Variants in SLC18B1 observed in about 807,000 individuals in gnomAD.
SLC18B1 encodes solute carrier family 18 member B1.
In SLC18B1, 62 loss-of-function variants were observed where a neutral mutation model predicts 53.9. That is an observed-to-expected ratio of 1.15 (90% CI 0.94 to 1.42). The LOEUF (loss-of-function observed/expected upper bound fraction) is 1.42, where lower values mean the gene tolerates loss of function less well. Ranked by LOEUF, SLC18B1 falls within the 40% of genes most tolerant of loss-of-function variation. The pLI, the probability that SLC18B1 is intolerant of heterozygous loss-of-function variation, is 0.00. For synonymous variants in SLC18B1, 217 were observed against 200.9 expected (o/e 1.08, Z -0.68); for missense variants, 598 against 547.3 (o/e 1.09, Z -0.93).
rs145679382 is a variant in SLC18B1, at chr6:132,776,133, G to C, written c.897+195C>G. On this transcript the variant is annotated intron_variant, in intron 8 of 13. Transcript: ENST00000275227. Reference sequence around the variant, plus strand: ...CATAAGACTCTTCCTCTTTTCCCAGGTGAAGCAATTTAAAGTGAACTGGCT... The same window carrying C: ...CATAAGACTCTTCCTCTTTTCCCAGCTGAAGCAATTTAAAGTGAACTGGCT... 1.2e-3 allele frequency among the ~76,000 whole-genome samples: 177 copies of C among 152,120 alleles called. 2 individuals are homozygous for C. Among genetic ancestry groups the C allele is most frequent in the African/African-American group, 4.0e-3 (168 of 41,498 alleles).
chr6:132,798,359 C>CA, intron 1 of SLC18B1, 55 bp downstream of exon 1: 1 of 1,485,332 alleles, frequency 6.7e-7, no homozygotes, highest in Non-Finnish European at 9.0e-7. Context: ...GCTAAAGAGA[C>CA]ACGCCGGAAG....
chr6:132,795,273 G>A (rs921060803), intron 2 of SLC18B1, among the ~76,000 whole-genome samples: 3 of 151,884 alleles, frequency 2.0e-5, no homozygotes, highest in Admixed American at 6.6e-5. Context: ...CCAAAGGGCA[G>A]ACAAGAGAAA....
chr6:132,778,094 C>T (rs931272412), intron 7 of SLC18B1, among the ~76,000 whole-genome samples: 4 of 151,930 alleles, frequency 2.6e-5, no homozygotes, highest in East Asian at 3.9e-4. Flanking sequence ...CGGGCAGGGG[C>T]GAGGGACACA....
chr6:132,775,035 G>C (rs886443376), intron 8 of SLC18B1, among the ~76,000 whole-genome samples: 1 of 152,146 alleles, frequency 6.6e-6, no homozygotes, highest in African/African-American at 2.4e-5. Context: ...AAATTTATAT[G>C]TTAAATCTTA....
chr6:132,790,271 G>A lies in SLC18B1; in HGVS notation c.185C>T (p.Ala62Val), dbSNP rs1264988737. The change falls in exon 3 of 14, where the codon GCT becomes GTT. Residue 62 changes from alanine to valine, a missense_variant and splice_region_variant. By Grantham distance (64) the Ala-to-Val change is moderately conservative. Coordinates refer to ENST00000275227, the MANE Select transcript of SLC18B1 (RefSeq NM_052831.3). ...TGTATTGCTGGCTCCCTTCTTTTCA[G>A]CCTTTAAGTAATAGAAACGGAAACA... ...SILGPFFPKEAEKKGASNTII... is the reference protein window; with the variant it reads ...SILGPFFPKEVEKKGASNTII... The A allele has an allele frequency of 1.0e-5, 16 of 1,528,700 alleles. No homozygotes were observed. Among genetic ancestry groups the A allele is most frequent in the East Asian group, 7.0e-5 (3 of 42,618 alleles). 94.7% of individuals were successfully genotyped at this position (1,528,700 alleles called of 1,614,324 possible).
intron 6 of SLC18B1, among the ~76,000 whole-genome samples, chr6:132,780,693 C>T (rs1582861230): frequency 6.7e-6 from 1 of 149,848 alleles, no homozygotes; most frequent in South Asian, 2.1e-4. Context: ...TCCCGAGTAG[C>T]TGGGATTACA....
At position 132,790,210 on chromosome 6, in the gene SLC18B1, G is replaced by A. The variant is rs35004921; in HGVS notation, c.246C>T (p.Phe82=). The A allele has an allele frequency of 1.6e-3, 2,449 of 1,576,756 alleles. 38 individuals carry two copies. The African/African-American group carries it at 0.029, about 19-fold the overall frequency. The change falls in exon 3 of 14, where the codon TTC becomes TTT. Residue 82 remains phenylalanine, a synonymous_variant. Transcript: ENST00000275227. The part of the protein sequence containing the change: ...IGMIFGCFAL[F]ELLASLVFGN... ...CAAATACCAAGGATGCCAGCAACTC[G>A]AACAAAGCAAAACATCCAAAGATCA...
chr6:132,773,200 T>C, intron 9 of SLC18B1, 112 bp from the exon 10 acceptor site: 1 of 623,430 alleles, frequency 1.6e-6, no homozygotes, highest in Non-Finnish European at 2.8e-6. Context: ...ATTTCACCGA[T>C]TATGTGCCTA....
intron 13 of SLC18B1, 148 bp downstream of exon 13, chr6:132,770,742 T>C: frequency 1.3e-6 from 1 of 791,142 alleles, no homozygotes; most frequent in South Asian, 1.9e-5. Context: ...TCTCAAAAAA[T>C]AAAAATTAAA....
intron 4 of SLC18B1, among the ~76,000 whole-genome samples, chr6:132,788,833 A>AAG: frequency 6.6e-6 from 1 of 151,060 alleles, no homozygotes; most frequent in African/African-American, 2.4e-5. Flanking sequence ...AAAAAGAAAA[A>AAG]AAAAAAAAAA....
chr6:132,785,196 C>A (rs1246276631), intron 5 of SLC18B1, among the ~76,000 whole-genome samples: 1 of 151,792 alleles, frequency 6.6e-6, no homozygotes, highest in African/African-American at 2.4e-5. Flanking sequence ...AAGAAACCTG[C>A]AATATCTGTT....
intron 2 of SLC18B1, among the ~76,000 whole-genome samples, chr6:132,796,354 C>CAAAAAAAAAAAAAAAAAA (rs780737208): frequency 1.6e-4 from 7 of 44,700 alleles, no homozygotes; most frequent in African/African-American, 7.9e-4. Flanking sequence ...GACTCCATCT[C>CAAAAAAAAAAAAAAAAAA]AAAAAAAAAA....
intron 1 of SLC18B1, among the ~76,000 whole-genome samples, chr6:132,798,013 T>A (rs1781744287): frequency 6.6e-6 from 1 of 151,974 alleles, no homozygotes; most frequent in Non-Finnish European, 1.5e-5. Flanking sequence ...AAAAAAAAAA[T>A]CAGTGCAACA....
At chr6:132,771,764 T>C (rs1044176224) in intron 11 of SLC18B1, among the ~76,000 whole-genome samples, 1 of 152,158 alleles carries the variant, frequency 6.6e-6, no homozygotes, top group Non-Finnish European at 1.5e-5. Flanking sequence ...CAAGCAGGGA[T>C]AGTATTAATA....
At position 132,790,555 on chromosome 6, in the gene SLC18B1, A is replaced by G. The variant is rs937975106; in HGVS notation, c.184-283T>C. 1.8e-4 allele frequency among the ~76,000 whole-genome samples: 27 copies of G among 152,308 alleles called. 1 individual carries two copies. Among genetic ancestry groups the G allele is most frequent in the African/African-American group, 6.5e-4 (27 of 41,556 alleles). ...TCAGAATCAGAGTGTATAAACAAAC[A>G]CAAAAAAAATGCCTTGGATAAGGAA... is the stretch of plus-strand genomic sequence containing the variant. On this transcript the variant is annotated intron_variant, in intron 2 of 13. Coordinates refer to ENST00000275227, the MANE Select transcript of SLC18B1 (RefSeq NM_052831.3).
intron 5 of SLC18B1, among the ~76,000 whole-genome samples, chr6:132,785,218 A>AG: frequency 6.6e-6 from 1 of 151,964 alleles, no homozygotes; most frequent in Non-Finnish European, 1.5e-5. Context: ...CCTTCCCCTA[A>AG]GGGGATGGAG....
At chr6:132,796,007 G>A (rs1339497614) in intron 2 of SLC18B1, among the ~76,000 whole-genome samples, 1 of 152,044 alleles carries the variant, frequency 6.6e-6, no homozygotes, top group Non-Finnish European at 1.5e-5. Context: ...GAGGTCAGGA[G>A]ATCGAAGCCA....
rs1303915100 is a variant in SLC18B1 at position 132,790,319 on chromosome 6, C to A, written c.184-47G>T. ...ACAAAGTTTCAAAGAAAAATTAGAT[C>A]AATATGAAAAAATGGAAATAATAGA... On this transcript the variant is annotated intron_variant, in intron 2 of 13. Transcript: ENST00000275227. 5.9e-6 allele frequency: 8 copies of A among 1,365,046 alleles called. No homozygotes were observed. In the South Asian group the frequency reaches 7.0e-5, roughly 12 times the overall value. 84.6% of individuals were successfully genotyped at this position (1,365,046 alleles called of 1,614,324 possible).
intron 1 of SLC18B1, among the ~76,000 whole-genome samples, chr6:132,797,846 T>C (rs1348646982): frequency 6.6e-6 from 1 of 152,242 alleles, no homozygotes; most frequent in Non-Finnish European, 1.5e-5. Flanking sequence ...TTTCCAGGGC[T>C]AAATTGTCAT....
Sources: gnomAD v4.1 joint callset for allele counts (sites outside exome capture counted in the v4.1 genomes callset) on GRCh38, gnomAD v4.1.1 for gene constraint, MANE v1.5 for transcripts, NCBI Gene and HGNC (gene_info 2026-07-23, HGNC 2026-07-21) for gene names.